The following CSK variants were observed in gnomAD, a reference collection of about 807,000 sequenced individuals.
CSK encodes C-terminal Src kinase, also known as tyrosine-protein kinase CSK.
Under a neutral mutation model 62.3 loss-of-function variants are expected in CSK, and 7 were observed. That is an observed-to-expected ratio of 0.11 (90% CI 0.06 to 0.21). The LOEUF (loss-of-function observed/expected upper bound fraction) is 0.21. Among genes scored for constraint, CSK ranks in the 10% least tolerant of loss-of-function variants. The pLI is 1.00. For missense variants in CSK, 294 were observed against 613.5 expected, an observed-to-expected ratio of 0.48 and a Z score of 5.50; for synonymous variants, 237 against 246.0, an observed-to-expected ratio of 0.96 and a Z score of 0.34.
intron 1 of CSK, among the ~76,000 whole-genome samples, chr15:74,783,458 C>T (rs1480845409): frequency 6.6e-6 from 1 of 152,226 alleles, no homozygotes; most frequent in Non-Finnish European, 1.5e-5. Context: ...CTTCCCCGCC[C>T]ATTTTGTACA....
intron 1 of CSK, among the ~76,000 whole-genome samples, chr15:74,787,338 A>G (rs1448215871): frequency 6.6e-6 from 1 of 152,134 alleles, no homozygotes; most frequent in Non-Finnish European, 1.5e-5. Context: ...CGGGATCAGA[A>G]GTACTCCACC....
intron 1 of CSK, among the ~76,000 whole-genome samples, chr15:74,790,519 C>G (rs545324800): frequency 6.6e-6 from 1 of 152,324 alleles, no homozygotes; most frequent in East Asian, 1.9e-4. Context: ...GTTCCCGGGA[C>G]CCCAGCACAA....
At chr15:74,790,997 A>T (rs1165691433) in intron 1 of CSK, 1 of 152,236 alleles carries the variant, frequency 6.6e-6, no homozygotes, top group Admixed American at 6.5e-5. Flanking sequence ...AAGGTAATAG[A>T]TGCATGTGGC....
intron 12 of CSK, 65 bp downstream of exon 12, chr15:74,802,148 C>T: frequency 1.3e-6 from 2 of 1,519,534 alleles, no homozygotes; most frequent in Non-Finnish European, 1.8e-6. Context: ...GGGGCGTGAG[C>T]CTCCTTGGGC....
At chr15:74,785,311 A>G (rs2063498574) in intron 1 of CSK, among the ~76,000 whole-genome samples, 1 of 152,152 alleles carries the variant, frequency 6.6e-6, no homozygotes, top group Non-Finnish European at 1.5e-5. Context: ...AGAACATTCT[A>G]GGCTGGCCTG....
chr15:74,789,674 G>A (rs763356401), intron 1 of CSK, among the ~76,000 whole-genome samples: 3 of 152,118 alleles, frequency 2.0e-5, no homozygotes, highest in South Asian at 2.1e-4. Flanking sequence ...TCATTAACTC[G>A]CTCTGTACCA....
intron 6 of CSK, 59 bp downstream of exon 6, chr15:74,800,564 G>A: frequency 6.4e-7 from 1 of 1,571,706 alleles, no homozygotes; most frequent in Non-Finnish European, 8.6e-7. Context: ...CAGGCTTCCT[G>A]GCACTGCCCC....
chr15:74,800,671 C>G lies in CSK; in HGVS notation c.557-10C>G. 6.5e-7 allele frequency: 1 copy of G among 1,543,754 alleles called. No individual in the cohort carries two copies. The highest frequency in any genetic ancestry group is 8.8e-7 in the Non-Finnish European group (1 of 1,142,222). On this transcript the variant is annotated splice_polypyrimidine_tract_variant and intron_variant, in intron 6 of 12. Coordinates refer to ENST00000220003, the MANE Select transcript of CSK (RefSeq NM_004383.3). Reference sequence around the variant, plus strand: ...GTGGCCTCCAGGCCCTCACTGGCCCCTCCCCACAGGCGGCTGGGCCCTGAA... The same window carrying G: ...GTGGCCTCCAGGCCCTCACTGGCCCGTCCCCACAGGCGGCTGGGCCCTGAA...
intron 1 of CSK, among the ~76,000 whole-genome samples, chr15:74,785,901 G>A (rs1276144586): frequency 6.6e-6 from 1 of 152,040 alleles, no homozygotes; most frequent in Non-Finnish European, 1.5e-5. Context: ...CTGGGAAGAT[G>A]GGCTGCTGGT....
chr15:74,798,028 G>T lies in CSK; in HGVS notation c.-65-205G>T. ...GCCCCCTGTGGCCTTAGGGTTGGTG[G>T]CTCCCTCTGCCCCTGGGGGTCCTCA... On this transcript the variant is annotated intron_variant, in intron 1 of 12. Transcript: ENST00000220003. This position sits in a 1 kb window ranked among gnomAD's most constrained non-coding sequence, Gnocchi z 6.6. The T allele has an allele frequency of 2.4e-6, 1 of 416,836 alleles. No homozygotes were observed. 25.8% of individuals were successfully genotyped at this position (416,836 alleles called of 1,614,324 possible).
chr15:74,798,779 C>T lies in CSK; in HGVS notation c.130-47C>T, dbSNP rs754743411. 1 of 1,606,130 alleles carries T rather than the reference C, an allele frequency of 6.2e-7. No individual in the cohort carries two copies. The highest frequency in any genetic ancestry group is 8.5e-7 in the Non-Finnish European group (1 of 1,174,604). On this transcript the variant is annotated intron_variant, in intron 3 of 12. Transcript: ENST00000220003. The surrounding 1 kb of genome is among the most constrained non-coding windows in gnomAD (Gnocchi z 6.6). ...ATCCCACTGCTGGGCCTTCCCTCTG[C>T]AGGGGGAGGTGGGCCTGAGAGCATG... is the stretch of plus-strand genomic sequence containing the variant.
chr15:74,798,279 C>A lies in CSK; in HGVS notation c.-19C>A. 6.4e-7 allele frequency: 1 copy of A among 1,558,898 alleles called. No homozygotes were observed. On this transcript the variant is annotated 5_prime_UTR_variant, in exon 2 of 13. Transcript: ENST00000220003. The surrounding 1 kb of genome is among the most constrained non-coding windows in gnomAD (Gnocchi z 6.6). ...GGTTGGCTTTACTGTGACTCGGGGA[C>A]GCCAGAGCTCCTGAGAAGATGTCAG...
intron 1 of CSK, among the ~76,000 whole-genome samples, chr15:74,796,661 C>G (rs981604983): frequency 6.6e-6 from 1 of 151,806 alleles, no homozygotes; most frequent in Non-Finnish European, 1.5e-5. Flanking sequence ...AGTTCAGACC[C>G]GAGTTGTTCA....
intron 1 of CSK, among the ~76,000 whole-genome samples, chr15:74,785,171 A>T (rs988252843): frequency 6.6e-6 from 1 of 152,168 alleles, no homozygotes; most frequent in African/African-American, 2.4e-5. Context: ...TCTTTTCCCC[A>T]TCCTTTTCCT....
intron 1 of CSK, chr15:74,790,936 T>C (rs1171434090): frequency 6.6e-6 from 1 of 152,220 alleles, no homozygotes; most frequent in Non-Finnish European, 1.5e-5. Context: ...CAAGGAATTC[T>C]CCAGAGAGAG....
intron 1 of CSK, chr15:74,791,054 T>G (rs1382215714): frequency 6.6e-6 from 1 of 152,160 alleles, no homozygotes; most frequent in Non-Finnish European, 1.5e-5. Context: ...AAGGACAAAA[T>G]AGCAAATGAA....
In CSK at chr15:74,800,712, G is replaced by A. The variant is rs769139468; in HGVS notation, c.588G>A (p.Lys196=). The A allele has an allele frequency of 1.9e-6, 3 of 1,565,318 alleles. No individual in the cohort carries two copies. Among genetic ancestry groups the A allele is most frequent in the Non-Finnish European group, 2.6e-6 (3 of 1,154,512 alleles). The change falls in exon 7 of 13, where the codon AAG becomes AAA. Residue 196 remains lysine (K), a synonymous_variant. Transcript: ENST00000220003. ...GGGCCCTGAACATGAAGGAGCTGAAGCTGCTGCAGACCATCGGGAAGGGGG... is the reference window on the plus strand; with the variant it reads ...GGGCCCTGAACATGAAGGAGCTGAAACTGCTGCAGACCATCGGGAAGGGGG... ...SGWALNMKEL[K]LLQTIGKGEF... is the part of the protein sequence containing the mutation.
At position 74,799,341 on chromosome 15, in the gene CSK, C is replaced by A; in HGVS notation, c.312C>A (p.Phe104Leu). Residue 104 changes from phenylalanine (F) to leucine (L), a missense_variant, in exon 5 of 13, where the codon TTC (phenylalanine) becomes TTA (leucine). Phe to Leu is a conservative substitution (Grantham distance 22). Around this residue, in one of 3 missense-constraint regions of CSK, gnomAD observed 202 missense variants for 415.7 expected, o/e 0.49. Transcript: ENST00000220003. ...TGTACCCGCCGGAGACAGGCCTGTTCCTGGTGCGGGAGAGCACCAACTACC... is the reference window on the plus strand; with the variant it reads ...TGTACCCGCCGGAGACAGGCCTGTTACTGGTGCGGGAGAGCACCAACTACC... Reference protein sequence around the residue: ...RLLYPPETGLFLVRESTNYPG... With the variant: ...RLLYPPETGLLLVRESTNYPG... 1 of 1,612,982 alleles carries A rather than the reference C, an allele frequency of 6.2e-7. No homozygotes were observed. Among genetic ancestry groups the A allele is most frequent in the South Asian group, 1.1e-5 (1 of 91,054 alleles).
chr15:74,800,313 G>C, intron 5 of CSK, 99 bp from the exon 6 acceptor site: 1 of 1,014,792 alleles, frequency 9.9e-7, no homozygotes, highest in Non-Finnish European at 1.5e-6. Context: ...TCCAGGCTAG[G>C]CGGGGCTGGC....
Sources: allele counts gnomAD v4.1 joint callset (sites outside exome capture counted in the v4.1 genomes callset), GRCh38; gene constraint gnomAD v4.1.1; regional missense constraint gnomAD v4.1.1; non-coding constraint Gnocchi (gnomAD v3.1); transcripts MANE v1.5; gene names NCBI Gene and HGNC (gene_info 2026-07-23, HGNC 2026-07-21).